LAMC3: variants seen among roughly 807,000 people sequenced by gnomAD.
LAMC3 encodes the protein laminin subunit gamma-3.
Under a neutral mutation model 173.8 loss-of-function variants are expected in LAMC3, and 128 were observed. The ratio of observed to expected loss-of-function variants is 0.74; its 90% confidence interval spans 0.64 to 0.85. The LOEUF (loss-of-function observed/expected upper bound fraction) is 0.85. Among genes scored for constraint, LAMC3 ranks in the 40% least tolerant of loss-of-function variants. The pLI is 0.00. For synonymous variants in LAMC3, 897 were observed against 909.1 expected (o/e 0.99, Z 0.24); for missense variants, 2,022 against 2,156.0 (o/e 0.94, Z 1.23).
chr9:131,072,490 C>G, intron 18 of LAMC3, 140 bp from the exon 19 acceptor site: 1 of 736,496 alleles, frequency 1.4e-6, no homozygotes. Context: ...TGGGGGTACT[C>G]TGCCTTTGGG....
chr9:131,071,324 T>C (rs562584958), intron 17 of LAMC3, among the ~76,000 whole-genome samples, 160 bp from the exon 18 acceptor site: 2 of 152,156 alleles, frequency 1.3e-5, no homozygotes, highest in East Asian at 3.9e-4. Context: ...TGGGCAGGAT[T>C]GGCTCTCAGA....
chr9:131,045,400 A>C lies in LAMC3; in HGVS notation c.1383-124A>C, dbSNP rs571262715. On this transcript the variant is annotated intron_variant, in intron 7 of 27. Transcript: ENST00000361069. ...TTACTACTCTTCTAGAATTCTGAAAAAAAATTGTTTTTAAGTTTCTGCAGT... is the reference window on the plus strand; with the variant it reads ...TTACTACTCTTCTAGAATTCTGAAACAAAATTGTTTTTAAGTTTCTGCAGT... The C allele has an allele frequency of 1.6e-4, 176 of 1,127,604 alleles. 1 individual carries two copies. In the East Asian group the frequency reaches 3.6e-3, roughly 23 times the overall value. The allele number at this position is 1,127,604 out of a possible 1,614,324, so 69.8% of individuals were successfully genotyped here.
Position 131,024,804 on chromosome 9 carries a change from G to A in LAMC3, c.374-1481G>A, listed in dbSNP as rs566883516. On this transcript the variant is annotated intron_variant, in intron 1 of 27. Transcript: ENST00000361069. The stretch of plus-strand genomic sequence containing the variant: ...TACCAAAGAGACGCCCGGTGCCGAC[G>A]GTGAGGAGCTCTGTCCAGTGTGGGG... 9.9e-5 allele frequency among the ~76,000 whole-genome samples: 15 copies of A among 152,228 alleles called. No individual in the cohort carries two copies. In the East Asian group the frequency reaches 1.5e-3, roughly 16 times the overall value.
At chr9:131,032,566 CTT>C (rs1491489104) in intron 3 of LAMC3, among the ~76,000 whole-genome samples, 99 of 147,064 alleles carry the variant, frequency 6.7e-4, no homozygotes, top group African/African-American at 2.5e-3. Flanking sequence ...CGCTCTCTCT[CTT>C]GCTCTCTCTC....
At chr9:131,087,123 G>A (rs1309965736) in intron 25 of LAMC3, among the ~76,000 whole-genome samples, 1 of 152,246 alleles carries the variant, frequency 6.6e-6, no homozygotes, top group Admixed American at 6.5e-5. Flanking sequence ...CACACACCAA[G>A]GAAACTGTCT....
intron 1 of LAMC3, among the ~76,000 whole-genome samples, chr9:131,024,260 C>T (rs1277896643): frequency 1.3e-5 from 2 of 151,768 alleles, no homozygotes; most frequent in Admixed American, 1.3e-4. Context: ...ATTCTCCTGC[C>T]TCAGCCTCCC....
At chr9:131,067,945 G>A in intron 14 of LAMC3, 133 bp from the exon 15 acceptor site, 1 of 967,338 alleles carries the variant, frequency 1.0e-6, no homozygotes, top group South Asian at 1.4e-5. Context: ...TCCAGCAGTG[G>A]CGTCTGAATC....
rs567868315 is a variant in LAMC3 at position 131,068,069 on chromosome 9, T to G, written c.2594-9T>G. Reference sequence around the variant, plus strand: ...TGTTCCCAACACCCCTTCCTGCTCCTGCCCCCAGCTTGCAGCTGTCACCCA... The same window carrying G: ...TGTTCCCAACACCCCTTCCTGCTCCGGCCCCCAGCTTGCAGCTGTCACCCA... On this transcript the variant is annotated splice_polypyrimidine_tract_variant and intron_variant, in intron 14 of 27. Coordinates refer to ENST00000361069, the MANE Select transcript of LAMC3 (RefSeq NM_006059.4). The G allele has an allele frequency of 6.2e-7, 1 of 1,609,166 alleles. No homozygotes were observed. The highest frequency in any genetic ancestry group is 2.2e-5 in the East Asian group (1 of 44,884).
At chr9:131,017,649 C>T (rs943435553) in intron 1 of LAMC3, among the ~76,000 whole-genome samples, 6 of 146,992 alleles carry the variant, frequency 4.1e-5, no homozygotes, top group Non-Finnish European at 7.4e-5. Flanking sequence ...TCGCTTGAAC[C>T]GGAGGCAGAG....
At chr9:131,038,801 A>G in intron 4 of LAMC3, 63 bp from the exon 5 acceptor site, 1 of 1,523,174 alleles carries the variant, frequency 6.6e-7, no homozygotes, top group Non-Finnish European at 9.1e-7. Context: ...GCTGACTGAC[A>G]CAGATGCAGC....
At chr9:131,012,110 C>G (rs542516973) in intron 1 of LAMC3, among the ~76,000 whole-genome samples, 111 of 151,088 alleles carry the variant, frequency 7.3e-4, no homozygotes, top group African/African-American at 2.4e-3. Flanking sequence ...TGTGTCTTAT[C>G]CCGGTGAGCA....
intron 13 of LAMC3, among the ~76,000 whole-genome samples, chr9:131,061,885 TA>T (rs33982720): frequency 0.84 from 127,723 of 151,206 alleles, 54,486 homozygotes; most frequent in African/African-American, 0.95. Flanking sequence ...CTCCCATCTC[TA>T]AAAAAAACAC....
chr9:131,081,070 C>T (rs890693691), intron 23 of LAMC3, among the ~76,000 whole-genome samples: 19 of 152,196 alleles, frequency 1.2e-4, no homozygotes, highest in Non-Finnish European at 2.1e-4. Flanking sequence ...TTTCCACTTC[C>T]GAGGCCCGGG....
At chr9:131,052,790 C>A (rs77304377) in intron 10 of LAMC3, 60 bp from the exon 11 acceptor site, 2 of 1,297,684 alleles carry the variant, frequency 1.5e-6, no homozygotes, top group African/African-American at 2.9e-5. Flanking sequence ...CCCCCCATCC[C>A]CAGGCATGGT....
intron 4 of LAMC3, among the ~76,000 whole-genome samples, chr9:131,037,950 C>G (rs1378151523): frequency 6.6e-6 from 1 of 152,264 alleles, no homozygotes; most frequent in Non-Finnish European, 1.5e-5. Context: ...CCCTGCACTG[C>G]AGGCCCCCCA....
At chr9:131,075,044 G>A (rs1157547196) in intron 20 of LAMC3, among the ~76,000 whole-genome samples, 1 of 152,018 alleles carries the variant, frequency 6.6e-6, no homozygotes, top group African/African-American at 2.4e-5. Context: ...CATGAGGATC[G>A]TTTGAGGCAA....
At chr9:131,087,453 TG>T in intron 25 of LAMC3, 22 bp from the exon 26 acceptor site, 1 of 1,613,560 alleles carries the variant, frequency 6.2e-7, no homozygotes, top group Non-Finnish European at 8.5e-7. Flanking sequence ...TTCTTCTCCC[TG>T]CCACTGCCAC....
At chr9:131,039,334 C>G (rs1406046945) in intron 6 of LAMC3, 86 bp downstream of exon 6, 9 of 1,096,596 alleles carry the variant, frequency 8.2e-6, no homozygotes, top group Non-Finnish European at 1.2e-5. Context: ...TCCCTCCCCT[C>G]CCCATCCCTT....
In LAMC3 at chr9:131,091,865, G is replaced by A. The variant is rs1442986016; in HGVS notation, c.*78G>A. The A allele has an allele frequency of 3.2e-6, 5 of 1,556,682 alleles. No homozygotes were observed. The highest frequency in any genetic ancestry group is 3.4e-5 in the Admixed American group (2 of 58,364). ...AGGGGGTGCACACTACCCCACAGGT[G>A]TGCCCATACAGACATTCCCCGGAGC... On this transcript the variant is annotated 3_prime_UTR_variant, in exon 28 of 28. Transcript: ENST00000361069.
Sources: allele counts gnomAD v4.1 joint callset (sites outside exome capture counted in the v4.1 genomes callset), GRCh38; gene constraint gnomAD v4.1.1; transcripts MANE v1.5; gene names NCBI Gene and HGNC (gene_info 2026-07-23, HGNC 2026-07-21).